Variants in BBS9 observed in about 807,000 individuals in gnomAD.
BBS9 encodes protein PTHB1.
BBS9 carries 89 observed loss-of-function variants against 117.7 expected under a neutral mutation model. The ratio of observed to expected loss-of-function variants is 0.76; its 90% confidence interval spans 0.64 to 0.90. The LOEUF (loss-of-function observed/expected upper bound fraction) is 0.90, where lower values mean the gene tolerates loss of function less well. BBS9 is among the 40% of genes least tolerant of loss of function. BBS9 has a pLI of 0.00. For synonymous variants in BBS9, 379 were observed against 370.9 expected, an observed-to-expected ratio of 1.02 and a Z score of -0.25; for missense variants, 982 against 1,042.2, an observed-to-expected ratio of 0.94 and a Z score of 0.80.
Position 33,142,883 on chromosome 7 carries a change from C to T in BBS9, c.-11-3359C>T, listed in dbSNP as rs146564704. On this transcript the variant is annotated intron_variant, in intron 1 of 22. Transcript: ENST00000242067. ...TATTGTGAATTATGATACAGTAAATCCGTGTGTAAAAATATCTCTCTGAGA... is the reference window on the plus strand; with the variant it reads ...TATTGTGAATTATGATACAGTAAATTCGTGTGTAAAAATATCTCTCTGAGA... 1.0e-3 allele frequency among the ~76,000 whole-genome samples: 158 copies of T among 152,222 alleles called. 1 individual carries two copies. Among genetic ancestry groups the T allele is most frequent in the Middle Eastern group, 0.01 (3 of 294 alleles).
intron 21 of BBS9, among the ~76,000 whole-genome samples, chr7:33,547,663 TTTGCAATAGCCA>T (rs1208693549): frequency 1.3e-5 from 2 of 152,200 alleles, no homozygotes; most frequent in African/African-American, 2.4e-5. Context: ...TTAAAGTTGA[TTTGCAATAGCCA>T]TTGTGGAAAG....
chr7:33,180,646 C>T (rs1281745163), intron 5 of BBS9, among the ~76,000 whole-genome samples: 2 of 152,202 alleles, frequency 1.3e-5, no homozygotes, highest in African/African-American at 4.8e-5. Flanking sequence ...TGAGCCACTG[C>T]ACCTGGCCGA....
At position 33,264,272 on chromosome 7, in the gene BBS9, T is replaced by A. The variant is rs781673991; in HGVS notation, c.618-18T>A. The A allele has an allele frequency of 1.7e-5, 23 of 1,383,454 alleles. No homozygotes were observed. Among genetic ancestry groups the A allele is most frequent in the Non-Finnish European group, 2.0e-5 (21 of 1,032,588 alleles). 85.7% of individuals were successfully genotyped at this position (1,383,454 alleles called of 1,614,324 possible). On this transcript the variant is annotated intron_variant, in intron 6 of 22. Transcript: ENST00000242067. ...AATTATAAACTCATTTATAATTTTT[T>A]AAATTTCTTTCATACAGGTACCAGG...
intron 5 of BBS9, among the ~76,000 whole-genome samples, chr7:33,233,104 G>A (rs865946054): frequency 6.6e-6 from 1 of 152,028 alleles, no homozygotes; most frequent in African/African-American, 2.4e-5. Flanking sequence ...AAATAGGGGG[G>A]GTTGAGAAAT....
chr7:33,589,874 C>A (rs2129176115), intron 21 of BBS9, among the ~76,000 whole-genome samples: 1 of 152,100 alleles, frequency 6.6e-6, no homozygotes, highest in East Asian at 1.9e-4. Context: ...TGGATAAAGT[C>A]ACCAAGGGAG....
At chr7:33,447,360 C>G (rs1293215900) in intron 19 of BBS9, among the ~76,000 whole-genome samples, 1 of 152,130 alleles carries the variant, frequency 6.6e-6, no homozygotes, top group East Asian at 1.9e-4. Context: ...TTGGTTAGAC[C>G]TAGGATTTCA....
At chr7:33,544,027 G>A (rs999371431) in intron 21 of BBS9, among the ~76,000 whole-genome samples, 1 of 152,104 alleles carries the variant, frequency 6.6e-6, no homozygotes, top group Non-Finnish European at 1.5e-5. Context: ...TTCTGAAAGT[G>A]TGTCCAAAGA....
chr7:33,393,500 C>T (rs1018822208), intron 19 of BBS9, among the ~76,000 whole-genome samples: 21 of 152,114 alleles, frequency 1.4e-4, no homozygotes, highest in African/African-American at 4.3e-4. Context: ...CCTCAAATAA[C>T]GTAGCTGGTC....
chr7:33,322,451 C>T lies in BBS9; in HGVS notation c.1017-13990C>T, dbSNP rs574791580. On this transcript the variant is annotated intron_variant, in intron 9 of 22. Transcript: ENST00000242067. The stretch of plus-strand genomic sequence containing the variant: ...GGTCTGTTTAGGTTTTGGATTTCCT[C>T]ATGGTTCAATCTTGGTATATTTGTA... Among the ~76,000 whole-genome samples, 379 of 141,174 alleles carry T rather than the reference C, an allele frequency of 2.7e-3. 2 individuals carry two copies. The highest frequency in any genetic ancestry group is 3.4e-3 in the Non-Finnish European group (222 of 66,004). The allele number at this position is 141,174 out of a possible 152,430, so 92.6% of individuals were successfully genotyped here.
chr7:33,311,212 A>G (rs1345032100), intron 9 of BBS9, among the ~76,000 whole-genome samples: 2 of 152,116 alleles, frequency 1.3e-5, no homozygotes, highest in Non-Finnish European at 2.9e-5. Context: ...AGAGGGCCAG[A>G]GTGGTAGAGG....
At position 33,203,930 on chromosome 7, in the gene BBS9, C is replaced by T. The variant is rs1413453034; in HGVS notation, c.442+26339C>T. On this transcript the variant is annotated intron_variant, in intron 5 of 22. Transcript: ENST00000242067. ...TAGAGACGGGGTTTCACCATATTGG[C>T]CAGGCTGGTCTCAAACTCCTGACCT... Among the ~76,000 whole-genome samples the T allele has an allele frequency of 2.7e-5, 4 of 149,912 alleles. No individual in the cohort carries two copies. The East Asian group carries it at 8.2e-4, about 31-fold the overall frequency.
At chr7:33,396,190 A>G (rs1215444928) in intron 19 of BBS9, among the ~76,000 whole-genome samples, 1 of 152,172 alleles carries the variant, frequency 6.6e-6, no homozygotes, top group Non-Finnish European at 1.5e-5. Flanking sequence ...ATAGTTCACA[A>G]AGAAAAAAAT....
chr7:33,273,387 A>G (rs548181190), intron 8 of BBS9, among the ~76,000 whole-genome samples, 192 bp downstream of exon 8: 13 of 152,164 alleles, frequency 8.5e-5, no homozygotes, highest in Non-Finnish European at 1.8e-4. Context: ...TTTGTCAGTC[A>G]TTTTACTTTG....
intron 21 of BBS9, among the ~76,000 whole-genome samples, chr7:33,542,268 A>C (rs1852442493): frequency 6.6e-6 from 1 of 152,046 alleles, no homozygotes; most frequent in Admixed American, 6.6e-5. Context: ...TATTTTTAGT[A>C]GAGACGGGGT....
intron 9 of BBS9, among the ~76,000 whole-genome samples, chr7:33,315,330 C>T (rs958475517): frequency 3.9e-5 from 6 of 152,122 alleles, no homozygotes; most frequent in Non-Finnish European, 8.8e-5. Flanking sequence ...TCTGTCTTCA[C>T]AAGGCTCTCT....
chr7:33,368,588 A>ACGCG (rs560606613), intron 17 of BBS9, among the ~76,000 whole-genome samples: 2 of 122,026 alleles, frequency 1.6e-5, no homozygotes, highest in African/African-American at 6.9e-5. Context: ...ACACACACAC[A>ACGCG]CACACACACA....
rs1440414085 is a variant in BBS9 at position 33,605,230 on chromosome 7, A to C, written c.*4A>C. On this transcript the variant is annotated 3_prime_UTR_variant, in exon 23 of 23. Transcript: ENST00000242067. ...CCTCCAAGGAGTCTCGGAATAATTC[A>C]AGTAGAGTTGTTTGGTTGAGAGGAA... The C allele has an allele frequency of 1.9e-6, 3 of 1,612,328 alleles. No individual in the cohort carries two copies. The highest frequency in any genetic ancestry group is 4.5e-5 in the East Asian group (2 of 44,872).
intron 4 of BBS9, among the ~76,000 whole-genome samples, chr7:33,169,954 T>A (rs182991467): frequency 6.6e-6 from 1 of 152,106 alleles, no homozygotes; most frequent in African/African-American, 2.4e-5. Flanking sequence ...GGTCTAACGT[T>A]TAAGTCTTTA....
intron 19 of BBS9, among the ~76,000 whole-genome samples, chr7:33,497,301 A>G (rs1844861772): frequency 1.3e-5 from 2 of 152,198 alleles, no homozygotes; most frequent in Non-Finnish European, 2.9e-5. Context: ...CAGTGTGTCC[A>G]GGATTTAAGA....
Sources: gnomAD v4.1 joint callset for allele counts (sites outside exome capture counted in the v4.1 genomes callset) on GRCh38, gnomAD v4.1.1 for gene constraint, MANE v1.5 for transcripts, NCBI Gene and HGNC (gene_info 2026-07-23, HGNC 2026-07-21) for gene names.